The following ZNF768 variants were observed in gnomAD, a reference collection of about 807,000 sequenced individuals.
ZNF768 encodes zinc finger protein 768.
Under a neutral mutation model 39.7 loss-of-function variants are expected in ZNF768, and 12 were observed. The ratio of observed to expected loss-of-function variants is 0.30; its 90% CI spans 0.19 to 0.49. The LOEUF (loss-of-function observed/expected upper bound fraction) is 0.49, where lower values mean the gene tolerates loss of function less well. Among genes scored for constraint, ZNF768 ranks in the 20% least tolerant of loss-of-function variants. The probability of loss-of-function intolerance (pLI) is 0.99; values close to 1 mark genes in which losing one functional copy is unlikely to be tolerated. For missense variants in ZNF768, 613 were observed against 723.2 expected, an observed-to-expected ratio of 0.85 and a Z score of 1.75; for synonymous variants, 360 against 288.4, an observed-to-expected ratio of 1.25 and a Z score of -2.52.
At chr16:30,527,335 TC>T (rs1179202944), upstream of ZNF768, 6 of 981,614 alleles carry the variant, frequency 6.1e-6, no homozygotes, top group Non-Finnish European at 7.3e-6. Flanking sequence ...TCCTCCCTCC[TC>T]CCTCCTCGAG....
upstream of ZNF768, among the ~76,000 whole-genome samples, chr16:30,529,913 T>C (rs1420868652): frequency 6.7e-6 from 1 of 148,582 alleles, no homozygotes; most frequent in Non-Finnish European, 1.5e-5. Context: ...AACCTCTGCC[T>C]CCTGAGTTCA....
In ZNF768 at chr16:30,525,244, G is replaced by C. The variant is rs758736587; in HGVS notation, c.896C>G (p.Ser299Cys). The change falls in exon 2 of 2, where the codon TCC (serine) becomes TGC (cysteine). Residue 299 changes from serine (S) to cysteine (C), a missense_variant. Transcript: ENST00000380412. ...GTGTTTGATGAGGTCAGAGCTCTGG[G>C]AGAAGGCCTTGCTGCAGACCTCACA... is the stretch of plus-strand genomic sequence containing the variant. The part of the protein sequence containing the change: ...YKCEVCSKAF[S>C]QSSDLIKHQR... 3.9e-5 allele frequency: 63 copies of C among 1,614,054 alleles called. No individual in the cohort carries two copies. The highest frequency in any genetic ancestry group is 5.0e-5 in the Non-Finnish European group (59 of 1,180,018).
chr16:30,529,495 C>G (rs1298983813), upstream of ZNF768, among the ~76,000 whole-genome samples: 1 of 152,224 alleles, frequency 6.6e-6, no homozygotes, highest in African/African-American at 2.4e-5. Flanking sequence ...TGCTCCCTTC[C>G]CTCATGCAAA....
upstream of ZNF768, among the ~76,000 whole-genome samples, chr16:30,529,076 G>C (rs2051350194): frequency 6.6e-6 from 1 of 152,244 alleles, no homozygotes; most frequent in South Asian, 2.1e-4. Flanking sequence ...CCTGGAGTAA[G>C]AGTGGCTCAC....
chr16:30,526,654 C>G, upstream of ZNF768: 1 of 961,002 alleles, frequency 1.0e-6, no homozygotes, highest in Non-Finnish European at 1.2e-6. Flanking sequence ...GTGGCCCTCA[C>G]TGGCCCCCGC....
upstream of ZNF768, chr16:30,526,665 G>A (rs1456059654): frequency 2.1e-6 from 2 of 941,988 alleles, no homozygotes; most frequent in East Asian, 1.2e-4. Flanking sequence ...TGGCCCCCGC[G>A]CGTCGCGGCC....
chr16:30,526,184 G>T, intron 1 of ZNF768, 133 bp from the exon 2 acceptor site: 17 of 1,515,396 alleles, frequency 1.1e-5, no homozygotes, highest in Non-Finnish European at 1.5e-5. Context: ...GCCCCCCTCA[G>T]CTGACCCAAG....
upstream of ZNF768, among the ~76,000 whole-genome samples, chr16:30,529,768 A>G (rs1378280129): frequency 2.0e-5 from 3 of 151,196 alleles, no homozygotes; most frequent in Non-Finnish European, 2.9e-5. Context: ...ATAAAATTCT[A>G]TCCCTGGAGA....
chr16:30,525,333 G>A lies in ZNF768; in HGVS notation c.807C>T (p.Ser269=). The A allele has an allele frequency of 6.2e-7, 1 of 1,614,206 alleles. No homozygotes were observed. The highest frequency in any genetic ancestry group is 8.5e-7 in the Non-Finnish European group (1 of 1,180,008). ...RPNICGICGK[S]FGRGSTLIQH... is the part of the protein sequence containing the mutation. ...GGATCAGGGTGGAGCCCCGCCCGAA[G>A]CTCTTCCCGCAGATGCCACAGATGT... Residue 269 remains serine, a synonymous_variant, in exon 2 of 2, where the codon AGC becomes AGT. Transcript: ENST00000380412.
In ZNF768 at chr16:30,525,136, T is replaced by G; in HGVS notation, c.1004A>C (p.His335Pro). 6.2e-7 allele frequency: 1 copy of G among 1,614,060 alleles called. No homozygotes were observed. Among genetic ancestry groups the G allele is most frequent in the Non-Finnish European group, 8.5e-7 (1 of 1,179,960 alleles). ...AFADSSYLLRHQRTHSGQKPY... is the reference protein window; with the variant it reads ...AFADSSYLLRPQRTHSGQKPY... ...CTTCTGGCCAGAGTGAGTGCGCTGG[T>G]GGCGAAGCAGGTAAGAGCTGTCGGC... The change falls in exon 2 of 2, where the codon CAC becomes CCC. Residue 335 changes from histidine to proline, a missense_variant. Physicochemically the swap from His to Pro is moderately conservative, Grantham distance 77 (BLOSUM62 -2). Around this residue, in one of 4 missense-constraint regions of ZNF768, gnomAD observed 22 missense variants for 63.4 expected, o/e 0.35. Coordinates refer to ENST00000380412, the MANE Select transcript of ZNF768 (RefSeq NM_024671.4).
At position 30,526,337 on chromosome 16, in the gene ZNF768, C is replaced by T; in HGVS notation, c.77G>A (p.Gly26Glu). 1.2e-6 allele frequency: 2 copies of T among 1,608,994 alleles called. No individual in the cohort carries two copies. The highest frequency in any genetic ancestry group is 1.7e-6 in the Non-Finnish European group (2 of 1,178,066). The change falls in exon 1 of 2, where the codon GGG (glycine) becomes GAG (glutamate). Residue 26 changes from glycine (G) to glutamate (E), a missense_variant. By Grantham distance (98) the Gly-to-Glu change is moderately conservative. This residue lies in a region of ZNF768 where 347 missense variants were observed against 326.1 expected (regional missense o/e 1.06). Transcript: ENST00000380412. ...QSSDEMRSPE[G>E]YLRGNMSENE... ...CGCTCCCTCCTCACCTCTGAGGTACCCTTCGGGGCTCCTCATTTCGTCAGA... is the reference window on the plus strand; with the variant it reads ...CGCTCCCTCCTCACCTCTGAGGTACTCTTCGGGGCTCCTCATTTCGTCAGA...
At position 30,524,499 on chromosome 16, in the gene ZNF768, C is replaced by G; in HGVS notation, c.*18G>C. On this transcript the variant is annotated 3_prime_UTR_variant, in exon 2 of 2. Coordinates refer to ENST00000380412, the MANE Select transcript of ZNF768 (RefSeq NM_024671.4). ...CTTATCTTCTGCCCACACCTCCCACCCCTGCTGGGGCCCCAGGTCAGCGCC... is the reference window on the plus strand; with the variant it reads ...CTTATCTTCTGCCCACACCTCCCACGCCTGCTGGGGCCCCAGGTCAGCGCC... 1 of 1,595,774 alleles carries G rather than the reference C, an allele frequency of 6.3e-7. No individual in the cohort carries two copies. Among genetic ancestry groups the G allele is most frequent in the Non-Finnish European group, 8.5e-7 (1 of 1,174,334 alleles).
rs761411417 is a variant in ZNF768, at chr16:30,525,314, G to C, written c.826C>G (p.Leu276Val). 6.2e-7 allele frequency: 1 copy of C among 1,614,230 alleles called. No homozygotes were observed. Among genetic ancestry groups the C allele is most frequent in the East Asian group, 2.2e-5 (1 of 44,888 alleles). ...CGKSFGRGST[L>V]IQHQRIHTGE... is the part of the protein sequence containing the mutation. ...GTGTGGATGCGCTGGTGCTGGATCA[G>C]GGTGGAGCCCCGCCCGAAGCTCTTC... The change falls in exon 2 of 2, where the codon CTG (leucine) becomes GTG (valine). Residue 276 changes from leucine (L) to valine (V), a missense_variant. Transcript: ENST00000380412.
upstream of ZNF768, chr16:30,527,331 C>A (rs1456898392): frequency 2.0e-6 from 2 of 983,318 alleles, no homozygotes; most frequent in Non-Finnish European, 2.4e-6. Context: ...CTCCTCCTCC[C>A]TCCTCCCTCC....
Position 30,524,752 on chromosome 16 carries a change from C to A in ZNF768, c.1388G>T (p.Gly463Val). The A allele has an allele frequency of 6.2e-7, 1 of 1,612,556 alleles. No individual in the cohort carries two copies. Among genetic ancestry groups the A allele is most frequent in the Non-Finnish European group, 8.5e-7 (1 of 1,179,522 alleles). The change falls in exon 2 of 2, where the codon GGC becomes GTC. Residue 463 changes from glycine (G) to valine (V), a missense_variant. This residue lies in a region of ZNF768 where 204 missense variants were observed against 281.7 expected (regional missense o/e 0.72). Coordinates refer to ENST00000380412, the MANE Select transcript of ZNF768 (RefSeq NM_024671.4). ...PGRTYSCPDC[G>V]KTFNRSSTLI... Reference sequence around the variant, plus strand: ...AGTGGAGGAGCGATTGAAGGTCTTGCCGCAGTCGGGGCAGCTGTAGGTGCG... The same window carrying A: ...AGTGGAGGAGCGATTGAAGGTCTTGACGCAGTCGGGGCAGCTGTAGGTGCG...
rs759696511 is a variant in ZNF768 at position 30,524,522 on chromosome 16, G to A, written c.1618C>T (p.Arg540Cys). 53 of 1,606,216 alleles carry A rather than the reference G, an allele frequency of 3.3e-5. No individual in the cohort carries two copies. The highest frequency in any genetic ancestry group is 4.0e-5 in the Non-Finnish European group (47 of 1,178,260). ...ACCCCTGCTGGGGCCCCAGGTCAGC[G>A]CCGGCCCGCCGCGTGGGTCCGCTGG... ...RHQRTHAAGR[R>C] Residue 540 changes from arginine (R) to cysteine (C), a missense_variant, in exon 2 of 2, where the codon CGC (arginine) becomes TGC (cysteine). Coordinates refer to ENST00000380412, the MANE Select transcript of ZNF768 (RefSeq NM_024671.4).
At chr16:30,528,072 TGACA>T (rs1390661071), upstream of ZNF768, 1 of 152,212 alleles carries the variant, frequency 6.6e-6, no homozygotes, top group African/African-American at 2.4e-5. Context: ...GCAGCGTTCT[TGACA>T]GTTAACGAGC....
chr16:30,526,227 T>C (rs2151215449), intron 1 of ZNF768, 99 bp downstream of exon 1: 1 of 1,559,352 alleles, frequency 6.4e-7, no homozygotes, highest in East Asian at 2.4e-5. Context: ...CTCCTTCGAG[T>C]CCCAGGTGTC....
chr16:30,525,337 T>C lies in ZNF768; in HGVS notation c.803A>G (p.Lys268Arg). The C allele has an allele frequency of 6.2e-7, 1 of 1,614,168 alleles. No homozygotes were observed. The highest frequency in any genetic ancestry group is 8.5e-7 in the Non-Finnish European group (1 of 1,180,000). ...CAGGGTGGAGCCCCGCCCGAAGCTC[T>C]TCCCGCAGATGCCACAGATGTTAGG... ...PRPNICGICG[K>R]SFGRGSTLIQ... The change falls in exon 2 of 2, where the codon AAG becomes AGG. Residue 268 changes from lysine (K) to arginine (R), a missense_variant. Lys to Arg is a conservative substitution (Grantham distance 26). Transcript: ENST00000380412.
Sources: allele counts gnomAD v4.1 joint callset (sites outside exome capture counted in the v4.1 genomes callset), GRCh38; gene constraint gnomAD v4.1.1; regional missense constraint gnomAD v4.1.1; transcripts MANE v1.5; gene names NCBI Gene and HGNC (gene_info 2026-07-23, HGNC 2026-07-21).